Variants in FBP1 observed in about 807,000 individuals in gnomAD.
FBP1 encodes fructose-1,6-bisphosphatase 1.
In FBP1, 22 loss-of-function variants were observed where a neutral mutation model predicts 29.9. That is an observed-to-expected ratio of 0.74 (90% CI 0.53 to 1.05). The LOEUF (loss-of-function observed/expected upper bound fraction) is 1.05. Ranked by LOEUF, FBP1 falls within the 50% of genes least tolerant of loss-of-function variation. The pLI, the probability that FBP1 is intolerant of heterozygous loss-of-function variation, is 0.00. For missense variants in FBP1, 345 were observed against 448.2 expected (o/e 0.77, Z 2.08); for synonymous variants, 175 against 178.6 (o/e 0.98, Z 0.16).
chr9:94,632,499 C>T (rs1461888682), intron 1 of FBP1, among the ~76,000 whole-genome samples: 1 of 152,106 alleles, frequency 6.6e-6, no homozygotes, highest in African/African-American at 2.4e-5. Flanking sequence ...GAAACCCCGT[C>T]TCTACTAAAA....
chr9:94,627,262 G>A (rs1279479926), intron 1 of FBP1, among the ~76,000 whole-genome samples: 1 of 151,942 alleles, frequency 6.6e-6, no homozygotes, highest in African/African-American at 2.4e-5. Flanking sequence ...GGCTGAGATA[G>A]GAGAGTCACC....
In FBP1 at chr9:94,617,891, A is replaced by T. The variant is rs745660101; in HGVS notation, c.334-31T>A. ...CACAGAAAAAAGAAATACAACCTTAAAATGTTATAGCAAGATACACTAAAG... is the reference window on the plus strand; with the variant it reads ...CACAGAAAAAAGAAATACAACCTTATAATGTTATAGCAAGATACACTAAAG... On this transcript the variant is annotated intron_variant, in intron 2 of 6. Coordinates refer to ENST00000375326, the MANE Select transcript of FBP1 (RefSeq NM_000507.4). 6 of 1,503,248 alleles carry T rather than the reference A, an allele frequency of 4.0e-6. No individual in the cohort carries two copies. In the Admixed American group the frequency reaches 1.0e-4, roughly 25 times the overall value. 93.1% of individuals were successfully genotyped at this position (1,503,248 alleles called of 1,614,324 possible).
chr9:94,612,931 A>G (rs1157107644), intron 3 of FBP1, among the ~76,000 whole-genome samples: 3 of 152,140 alleles, frequency 2.0e-5, no homozygotes, highest in East Asian at 3.8e-4. Flanking sequence ...CCAGGGACCA[A>G]TGAGCACGGA....
chr9:94,605,697 G>A, intron 5 of FBP1, 121 bp from the exon 6 acceptor site: 1 of 953,190 alleles, frequency 1.0e-6, no homozygotes, highest in Non-Finnish European at 1.6e-6. Context: ...GTATGTATTT[G>A]GGGCTGTGCT....
intron 1 of FBP1, among the ~76,000 whole-genome samples, chr9:94,622,178 T>C (rs760628055): frequency 2.0e-5 from 3 of 152,182 alleles, no homozygotes; most frequent in Non-Finnish European, 4.4e-5. Context: ...CAGTGGCTTG[T>C]CTAAACGCAG....
chr9:94,638,387 A>G (rs1322641110), intron 1 of FBP1, among the ~76,000 whole-genome samples: 1 of 152,302 alleles, frequency 6.6e-6, no homozygotes, highest in Non-Finnish European at 1.5e-5. Flanking sequence ...TTCGAGATGC[A>G]CTCCATAGCG....
At chr9:94,624,553 T>C (rs1308988620) in intron 1 of FBP1, among the ~76,000 whole-genome samples, 1 of 151,428 alleles carries the variant, frequency 6.6e-6, no homozygotes, top group Non-Finnish European at 1.5e-5. Context: ...CTTGGGAAGC[T>C]GAGGCAGGAG....
chr9:94,638,201 C>T (rs1247457001), intron 1 of FBP1, among the ~76,000 whole-genome samples: 6 of 152,122 alleles, frequency 3.9e-5, no homozygotes. Flanking sequence ...TGAGTCTCCA[C>T]TCCACTTGAC....
At chr9:94,609,590 G>A (rs1827752615) in intron 4 of FBP1, among the ~76,000 whole-genome samples, 2 of 151,940 alleles carry the variant, frequency 1.3e-5, no homozygotes, top group Admixed American at 6.6e-5. Context: ...CTTGCCCCCC[G>A]GCCTTCCTTC....
intron 3 of FBP1, among the ~76,000 whole-genome samples, chr9:94,617,094 A>G (rs929571674): frequency 2.0e-5 from 3 of 152,220 alleles, no homozygotes; most frequent in African/African-American, 7.2e-5. Context: ...AGACAGACAG[A>G]TAGTAAATTT....
At chr9:94,620,722 A>G (rs184695125) in intron 1 of FBP1, among the ~76,000 whole-genome samples, 3 of 152,310 alleles carry the variant, frequency 2.0e-5, no homozygotes, top group African/African-American at 4.8e-5. Context: ...ATGAGAACAC[A>G]TAGACACAGG....
At chr9:94,637,819 C>T (rs1356559656) in intron 1 of FBP1, among the ~76,000 whole-genome samples, 4 of 151,954 alleles carry the variant, frequency 2.6e-5, no homozygotes, top group East Asian at 3.9e-4. Context: ...CTGCGCACGG[C>T]GGCTCATGCC....
At chr9:94,639,004 G>C (rs1563991452) in intron 1 of FBP1, 137 bp downstream of exon 1, 3 of 883,960 alleles carry the variant, frequency 3.4e-6, no homozygotes, top group East Asian at 5.3e-5. Context: ...CAGACAGAGA[G>C]CGAGAGAGGC....
intron 1 of FBP1, among the ~76,000 whole-genome samples, chr9:94,626,555 C>T (rs1261747644): frequency 2.0e-5 from 3 of 152,172 alleles, no homozygotes; most frequent in African/African-American, 4.8e-5. Context: ...CAAGCCTCCC[C>T]CGTCACACCT....
chr9:94,614,400 C>T (rs181175314), intron 3 of FBP1, among the ~76,000 whole-genome samples: 3 of 151,896 alleles, frequency 2.0e-5, no homozygotes, highest in Non-Finnish European at 2.9e-5. Flanking sequence ...ATTAGCCAAG[C>T]GTGGTGGTGG....
intron 1 of FBP1, among the ~76,000 whole-genome samples, chr9:94,638,276 G>T (rs1587870494): frequency 6.6e-6 from 1 of 152,220 alleles, no homozygotes; most frequent in South Asian, 2.1e-4. Context: ...CACCACAGGA[G>T]AACTTCTTAG....
chr9:94,620,436 C>A lies in FBP1; in HGVS notation c.226G>T (p.Val76Phe). Residue 76 changes from valine to phenylalanine, a missense_variant, in exon 2 of 7, where the codon GTC becomes TTC. Coordinates refer to ENST00000375326, the MANE Select transcript of FBP1 (RefSeq NM_000507.4). The stretch of plus-strand genomic sequence containing the variant: ...TTCATAACCAGGTCGTTGGAGAGGA[C>A]GTCCAGCTTCTTAACTTGATCACCT... Reference protein sequence around the residue: ...VTGDQVKKLDVLSNDLVMNML... With the variant: ...VTGDQVKKLDFLSNDLVMNML... 1 of 1,614,148 alleles carries A rather than the reference C, an allele frequency of 6.2e-7. No individual in the cohort carries two copies. Among genetic ancestry groups the A allele is most frequent in the African/African-American group, 1.3e-5 (1 of 75,028 alleles).
At position 94,639,129 on chromosome 9, in the gene FBP1, G is replaced by C. The variant is rs779291361; in HGVS notation, c.170+12C>G. On this transcript the variant is annotated intron_variant, in intron 1 of 6. Transcript: ENST00000375326. ...AGACAGGACGGGGCCCACCGCCCAA[G>C]GCCCGACTCACAGGTGCGCGATGCC... is the stretch of plus-strand genomic sequence containing the variant. The C allele has an allele frequency of 6.3e-7, 1 of 1,589,992 alleles. No homozygotes were observed. Among genetic ancestry groups the C allele is most frequent in the South Asian group, 1.1e-5 (1 of 87,576 alleles).
At position 94,628,398 on chromosome 9, in the gene FBP1, T is replaced by A. The variant is rs61691393; in HGVS notation, c.171-7907A>T. ...CTCTGTCTCAAAAAAAAAAAAAAAA[T>A]TTATCATAGAGGGGAAAGGCAACAT... On this transcript the variant is annotated intron_variant, in intron 1 of 6. Coordinates refer to ENST00000375326, the MANE Select transcript of FBP1 (RefSeq NM_000507.4). Among the ~76,000 whole-genome samples the A allele has an allele frequency of 8.1e-3, 817 of 101,038 alleles. 10 individuals carry two copies. The highest frequency in any genetic ancestry group is 0.026 in the African/African-American group (755 of 29,498). 66.3% of individuals were successfully genotyped at this position (101,038 alleles called of 152,430 possible). A position where few individuals can be genotyped will look rare whatever the true frequency, so the allele number is the denominator to read the frequency against.
Sources: allele counts gnomAD v4.1 joint callset (sites outside exome capture counted in the v4.1 genomes callset), GRCh38; gene constraint gnomAD v4.1.1; transcripts MANE v1.5; gene names NCBI Gene and HGNC (gene_info 2026-07-23, HGNC 2026-07-21).